SRPK2: variants seen among roughly 807,000 people sequenced by gnomAD.
The protein encoded by SRPK2 is SFRS protein kinase 2.
SRPK2 carries 21 observed loss-of-function variants against 90.8 expected under a neutral mutation model. The ratio of observed to expected loss-of-function variants is 0.23; its 90% CI spans 0.16 to 0.33. SRPK2 has a LOEUF of 0.33. Ranked by LOEUF, SRPK2 falls within the 10% of genes least tolerant of loss-of-function variation. The probability of loss-of-function intolerance (pLI) is 1.00; values close to 1 mark genes in which losing one functional copy is unlikely to be tolerated. For synonymous variants in SRPK2, 288 were observed against 311.1 expected (o/e 0.93, Z 0.78); for missense variants, 620 against 869.0 (o/e 0.71, Z 3.60).
At chr7:105,144,756 AAAG>A (rs1804310764) in intron 9 of SRPK2, among the ~76,000 whole-genome samples, 1 of 152,192 alleles carries the variant, frequency 6.6e-6, no homozygotes, top group Admixed American at 6.5e-5. Context: ...GAAAATGCAT[AAAG>A]AAGACAATTT....
chr7:105,307,702 G>T (rs978299352), intron 2 of SRPK2, among the ~76,000 whole-genome samples: 8 of 152,190 alleles, frequency 5.3e-5, no homozygotes, highest in African/African-American at 1.9e-4. Context: ...TGTATAAGTG[G>T]TAAGACTGTG....
chr7:105,176,727 ATG>A (rs1791979486), intron 3 of SRPK2, among the ~76,000 whole-genome samples: 1 of 56,172 alleles, frequency 1.8e-5, no homozygotes, highest in Non-Finnish European at 4.1e-5. Context: ...GTGTGTGTGT[ATG>A]TATGTATGTA....
chr7:105,291,508 CA>C (rs1381710120), intron 2 of SRPK2, among the ~76,000 whole-genome samples: 1 of 152,142 alleles, frequency 6.6e-6, no homozygotes, highest in East Asian at 1.9e-4. Flanking sequence ...GCAGGTGGAT[CA>C]CTTGAGTTCA....
chr7:105,291,113 C>G (rs1487908172), intron 2 of SRPK2, among the ~76,000 whole-genome samples: 1 of 150,046 alleles, frequency 6.7e-6, no homozygotes, highest in African/African-American at 2.4e-5. Flanking sequence ...ACATCCAAAG[C>G]TACAGAGAAC....
intron 2 of SRPK2, among the ~76,000 whole-genome samples, chr7:105,369,125 TTTATTATTATTATTA>T (rs10593124): frequency 9.8e-5 from 14 of 143,292 alleles, no homozygotes; most frequent in South Asian, 2.2e-4. Context: ...CAAGATTTAT[TTTATTATTATTATTA>T]TTATTATTAT....
chr7:105,342,685 C>T (rs555907760), intron 2 of SRPK2, among the ~76,000 whole-genome samples: 1 of 152,230 alleles, frequency 6.6e-6, no homozygotes, highest in South Asian at 2.1e-4. Context: ...TCCATGCCCC[C>T]GTATATACGC....
chr7:105,287,548 C>T (rs1433943448), intron 2 of SRPK2, among the ~76,000 whole-genome samples: 1 of 151,840 alleles, frequency 6.6e-6, no homozygotes, highest in Admixed American at 6.6e-5. Context: ...ACCAGCTTGG[C>T]CAAATGACAA....
At chr7:105,332,589 C>T (rs188789387) in intron 2 of SRPK2, among the ~76,000 whole-genome samples, 3 of 151,838 alleles carry the variant, frequency 2.0e-5, no homozygotes, top group Admixed American at 1.3e-4. Context: ...CATGGTGAAA[C>T]CCTATCTGTA....
At chr7:105,198,716 G>A (rs1056636465) in intron 3 of SRPK2, among the ~76,000 whole-genome samples, 7 of 152,058 alleles carry the variant, frequency 4.6e-5, no homozygotes, top group Non-Finnish European at 7.4e-5. Flanking sequence ...TATGAGCCTC[G>A]TATCAGATAC....
intron 6 of SRPK2, among the ~76,000 whole-genome samples, chr7:105,162,944 G>T (rs1038194805): frequency 6.6e-6 from 1 of 152,236 alleles, no homozygotes; most frequent in Non-Finnish European, 1.5e-5. Context: ...GTCGGACACA[G>T]AAGAAGTGAG....
chr7:105,356,107 A>C (rs1208194373), intron 2 of SRPK2, among the ~76,000 whole-genome samples: 3 of 152,174 alleles, frequency 2.0e-5, no homozygotes, highest in Non-Finnish European at 2.9e-5. Flanking sequence ...AACTCTTGGC[A>C]AGGCTCAGTT....
chr7:105,297,331 G>C, intron 2 of SRPK2: 1 of 321,758 alleles, frequency 3.1e-6, no homozygotes. Context: ...ACACAGATCT[G>C]TGGTCCATAA....
chr7:105,181,802 T>G (rs541293210), intron 3 of SRPK2, among the ~76,000 whole-genome samples: 1 of 147,652 alleles, frequency 6.8e-6, no homozygotes, highest in African/African-American at 2.5e-5. Context: ...AAATAATCTA[T>G]ACACCAAATC....
intron 2 of SRPK2, among the ~76,000 whole-genome samples, chr7:105,377,955 G>A (rs1820503331): frequency 6.6e-6 from 1 of 151,980 alleles, no homozygotes; most frequent in African/African-American, 2.4e-5. Flanking sequence ...GGAGCCCCTG[G>A]CCTCTAAGCA....
chr7:105,386,373 T>C (rs1206274222), intron 2 of SRPK2, among the ~76,000 whole-genome samples: 1 of 151,106 alleles, frequency 6.6e-6, no homozygotes, highest in South Asian at 2.1e-4. Flanking sequence ...TAAATACCTA[T>C]TGAAGACATG....
intron 7 of SRPK2, among the ~76,000 whole-genome samples, chr7:105,158,150 C>A (rs1806808039): frequency 6.6e-6 from 1 of 152,158 alleles, no homozygotes; most frequent in African/African-American, 2.4e-5. Context: ...TTCCACTGAA[C>A]CTCAGATTTT....
chr7:105,194,720 G>A (rs570208854), intron 3 of SRPK2, among the ~76,000 whole-genome samples: 5 of 152,228 alleles, frequency 3.3e-5, no homozygotes, highest in East Asian at 1.9e-4. Context: ...GCAAAGGATC[G>A]AGACAGGTCA....
At chr7:105,261,097 A>G (rs1056775623) in intron 2 of SRPK2, among the ~76,000 whole-genome samples, 11 of 152,002 alleles carry the variant, frequency 7.2e-5, no homozygotes, top group African/African-American at 2.7e-4. Flanking sequence ...CAAAATACTA[A>G]TATTTGGGAT....
At chr7:105,326,006 G>A (rs1001016479) in intron 2 of SRPK2, among the ~76,000 whole-genome samples, 5 of 152,184 alleles carry the variant, frequency 3.3e-5, no homozygotes, top group Admixed American at 3.3e-4. Flanking sequence ...CCCTGCCGGC[G>A]GGACACTGCC....
Sources: allele counts gnomAD v4.1 joint callset (sites outside exome capture counted in the v4.1 genomes callset), GRCh38; gene constraint gnomAD v4.1.1; transcripts MANE v1.5; gene names NCBI Gene and HGNC (gene_info 2026-07-23, HGNC 2026-07-21).